The following LRP5 variants were observed in gnomAD, a reference collection of about 807,000 sequenced individuals.
LRP5 encodes low-density lipoprotein receptor-related protein 5.
A neutral mutation model predicts 154.1 loss-of-function variants in LRP5; 62 were observed. That is an observed-to-expected ratio of 0.40 (90% CI 0.33 to 0.50). LRP5 has a LOEUF of 0.50. LRP5 is among the 20% of genes least tolerant of loss of function. The pLI, the probability that LRP5 is intolerant of heterozygous loss-of-function variation, is 0.55. For missense variants in LRP5, 1,915 were observed against 2,336.7 expected, an observed-to-expected ratio of 0.82 and a Z score of 3.72; for synonymous variants, 966 against 1,011.5, an observed-to-expected ratio of 0.96 and a Z score of 0.85.
At chr11:68,309,800 G>A (rs1489264610), upstream of LRP5, among the ~76,000 whole-genome samples, 1 of 152,092 alleles carries the variant, frequency 6.6e-6, no homozygotes, top group Non-Finnish European at 1.5e-5. Flanking sequence ...ATCCACTTGA[G>A]TCCAAGAGGC....
At chr11:68,428,642 C>G (rs1359316028) in intron 16 of LRP5, among the ~76,000 whole-genome samples, 2 of 151,566 alleles carry the variant, frequency 1.3e-5, no homozygotes, top group South Asian at 4.2e-4. Flanking sequence ...TTAGGGCCCA[C>G]CCAAATCATC....
intron 19 of LRP5, among the ~76,000 whole-genome samples, chr11:68,437,605 A>T (rs1326794072): frequency 6.6e-6 from 1 of 152,064 alleles, no homozygotes; most frequent in Non-Finnish European, 1.5e-5. Context: ...GGACATGGCC[A>T]CTCCTTCGCT....
chr11:68,394,492 G>C (rs1310761732), intron 7 of LRP5, among the ~76,000 whole-genome samples: 1 of 150,698 alleles, frequency 6.6e-6, no homozygotes, highest in Non-Finnish European at 1.5e-5. Flanking sequence ...TTGAGGTGGA[G>C]TCTCGCTCTC....
rs2098638393 is a variant in LRP5 at position 68,378,160 on chromosome 11, A to G, written c.1016-8156A>G. On this transcript the variant is annotated intron_variant, in intron 5 of 22. Coordinates refer to ENST00000294304, the MANE Select transcript of LRP5 (RefSeq NM_002335.4). ...TCCTTTTGCCAAAATAACAAAAATT[A>G]TCTTGTTTGTTTGTGAAAAAACCTG... Among the ~76,000 whole-genome samples the G allele has an allele frequency of 4.7e-4, 3 of 6,330 alleles. No homozygotes were observed. In the Admixed American group the frequency reaches 6.6e-3, roughly 14 times the overall value. 4.2% of individuals were successfully genotyped at this position (6,330 alleles called of 152,430 possible).
chr11:68,349,664 G>A (rs1289209036), intron 2 of LRP5, among the ~76,000 whole-genome samples: 1 of 152,188 alleles, frequency 6.6e-6, no homozygotes, highest in South Asian at 2.1e-4. Context: ...TGGGGAGAGC[G>A]TGGGTGGCAG....
chr11:68,325,302 C>T (rs980457799), intron 1 of LRP5, among the ~76,000 whole-genome samples: 13 of 152,180 alleles, frequency 8.5e-5, no homozygotes, highest in African/African-American at 3.1e-4. Flanking sequence ...GACGGGAATG[C>T]AGAATTGGGA....
intron 8 of LRP5, among the ~76,000 whole-genome samples, chr11:68,405,583 T>C (rs1292764818): frequency 6.6e-6 from 1 of 151,666 alleles, no homozygotes; most frequent in Non-Finnish European, 1.5e-5. Flanking sequence ...AAAGGGTGCC[T>C]CCATGGGGGT....
chr11:68,433,480 C>T (rs2098673064), intron 17 of LRP5, 122 bp from the exon 18 acceptor site: 2 of 873,624 alleles, frequency 2.3e-6, no homozygotes, highest in South Asian at 1.3e-5. Context: ...GCACCCCGTA[C>T]AGCAGGGATG....
intron 11 of LRP5, 46 bp downstream of exon 11, chr11:68,411,666 C>A: frequency 1.3e-6 from 2 of 1,562,896 alleles, no homozygotes; most frequent in Non-Finnish European, 1.7e-6. Context: ...GCGGGGCAGC[C>A]GGGCGTTGGC....
intron 8 of LRP5, 105 bp downstream of exon 8, chr11:68,403,804 C>A: frequency 1.5e-6 from 2 of 1,371,982 alleles, no homozygotes; most frequent in South Asian, 1.3e-5. Flanking sequence ...GGTGCCCCGA[C>A]CTGGGGAAGG....
chr11:68,313,896 C>A (rs1381855424), intron 1 of LRP5, among the ~76,000 whole-genome samples: 1 of 152,168 alleles, frequency 6.6e-6, no homozygotes, highest in Non-Finnish European at 1.5e-5. Context: ...TAGTCAGATC[C>A]CCCAGGCTGC....
intron 7 of LRP5, among the ~76,000 whole-genome samples, chr11:68,399,915 T>C (rs139341615): frequency 1.2e-3 from 181 of 152,364 alleles, no homozygotes; most frequent in Non-Finnish European, 2.1e-3. Flanking sequence ...GCCTGATGTT[T>C]TCCCAGTTGG....
intron 1 of LRP5, among the ~76,000 whole-genome samples, chr11:68,344,043 C>T (rs943843046): frequency 3.4e-4 from 52 of 152,094 alleles, no homozygotes; most frequent in Admixed American, 7.9e-4. Context: ...TGCCTTCCCC[C>T]GCCCGAGGGA....
chr11:68,310,981 G>GCT (rs2098587446), upstream of LRP5, among the ~76,000 whole-genome samples: 4 of 152,100 alleles, frequency 2.6e-5, no homozygotes, highest in Admixed American at 2.0e-4. Context: ...TGAGATGGCA[G>GCT]CCCTCACGAG....
At chr11:68,411,737 T>G in intron 11 of LRP5, 117 bp downstream of exon 11, 1 of 1,122,796 alleles carries the variant, frequency 8.9e-7, no homozygotes, top group East Asian at 2.6e-5. Flanking sequence ...TGGCAGGAGC[T>G]GTGGCCACAC....
At chr11:68,392,695 T>C (rs1319010604) in intron 7 of LRP5, among the ~76,000 whole-genome samples, 2 of 152,148 alleles carry the variant, frequency 1.3e-5, no homozygotes, top group Non-Finnish European at 2.9e-5. Flanking sequence ...ACCACTAATC[T>C]ACTTTCTGTC....
intron 18 of LRP5, 52 bp from the exon 19 acceptor site, chr11:68,436,837 T>A: frequency 7.4e-7 from 1 of 1,359,488 alleles, no homozygotes; most frequent in Non-Finnish European, 1.1e-6. Flanking sequence ...CCCTGCATGG[T>A]GGGCTGGGGG....
chr11:68,302,923 C>G, the LRP5 span, among the ~76,000 whole-genome samples: 1 of 152,138 alleles, frequency 6.6e-6, no homozygotes, highest in African/African-American at 2.4e-5. Flanking sequence ...TGACTCAGCA[C>G]TGGGAATCCA....
chr11:68,351,603 G>A (rs2098618629), intron 2 of LRP5, among the ~76,000 whole-genome samples: 2 of 152,158 alleles, frequency 1.3e-5, no homozygotes, highest in Non-Finnish European at 2.9e-5. Context: ...TTCCCTCCCA[G>A]CGTGGGTCGC....
Sources: allele counts gnomAD v4.1 joint callset (sites outside exome capture counted in the v4.1 genomes callset), GRCh38; gene constraint gnomAD v4.1.1; transcripts MANE v1.5; gene names NCBI Gene and HGNC (gene_info 2026-07-23, HGNC 2026-07-21).